Variants in HHIPL1 observed in about 807,000 individuals in gnomAD.
HHIPL1 encodes HHIP-like protein 1.
HHIPL1 carries 43 observed loss-of-function variants against 61.8 expected under a neutral mutation model. The ratio of observed to expected loss-of-function variants is 0.70; its 90% CI spans 0.55 to 0.90. HHIPL1 has a LOEUF of 0.90. HHIPL1 is among the 40% of genes least tolerant of loss of function. The pLI, the probability that HHIPL1 is intolerant of heterozygous loss-of-function variation, is 0.00. For missense variants in HHIPL1, 1,056 were observed against 1,157.7 expected (o/e 0.91, Z 1.28); for synonymous variants, 482 against 515.8 (o/e 0.93, Z 0.89).
At chr14:99,670,922 C>A (rs1209796203) in intron 7 of HHIPL1, among the ~76,000 whole-genome samples, 1 of 152,166 alleles carries the variant, frequency 6.6e-6, no homozygotes, top group Non-Finnish European at 1.5e-5. Context: ...GTGCCTAATT[C>A]ATGCCAGATG....
chr14:99,634,446 C>A, the HHIPL1 span, among the ~76,000 whole-genome samples: 1 of 152,190 alleles, frequency 6.6e-6, no homozygotes, highest in Non-Finnish European at 1.5e-5. Flanking sequence ...CGGGCTTTGG[C>A]TGCGGGACTT....
chr14:99,629,130 C>T, the HHIPL1 span, among the ~76,000 whole-genome samples: 6 of 152,296 alleles, frequency 3.9e-5, no homozygotes, highest in Admixed American at 1.3e-4. Flanking sequence ...GTGCCAGGCA[C>T]TGCGCTGGGT....
the HHIPL1 span, among the ~76,000 whole-genome samples, chr14:99,629,749 C>A: frequency 1.6e-4 from 24 of 152,102 alleles, no homozygotes; most frequent in African/African-American, 5.8e-4. Context: ...GTGATCTGCC[C>A]GCCTCAGCCT....
At chr14:99,643,596 C>T (rs1229862285), upstream of HHIPL1, among the ~76,000 whole-genome samples, 2 of 152,224 alleles carry the variant, frequency 1.3e-5, no homozygotes, top group African/African-American at 4.8e-5. Flanking sequence ...GACTATCACC[C>T]AGTTCTGAGT....
chr14:99,607,363 A>C, the HHIPL1 span, among the ~76,000 whole-genome samples: 3 of 152,074 alleles, frequency 2.0e-5, no homozygotes, highest in African/African-American at 7.2e-5. Flanking sequence ...AGTGAAACCA[A>C]ATCATGGTGC....
intron 6 of HHIPL1, among the ~76,000 whole-genome samples, chr14:99,666,455 C>T (rs2056247739): frequency 6.6e-6 from 1 of 152,162 alleles, no homozygotes; most frequent in South Asian, 2.1e-4. Flanking sequence ...TTGCAGTCTG[C>T]CTGGTCCAGC....
rs1298948782 is a variant in HHIPL1 at position 99,660,129 on chromosome 14, G to T, written c.1376-151G>T. 4.5e-6 allele frequency: 3 copies of T among 671,280 alleles called. No homozygotes were observed. The African/African-American group carries it at 6.8e-5, about 15-fold the overall frequency. The allele number at this position is 671,280 out of a possible 1,614,324, so 41.6% of individuals were successfully genotyped here. On this transcript the variant is annotated intron_variant, in intron 4 of 8. Transcript: ENST00000330710. This position sits in a 1 kb window ranked among gnomAD's most constrained non-coding sequence, Gnocchi z 4.9. ...CCCCTGCAGACACGCTTTCCACCACGCCAGCCCTGCTGTGGGCACGCCAGC... is the reference window on the plus strand; with the variant it reads ...CCCCTGCAGACACGCTTTCCACCACTCCAGCCCTGCTGTGGGCACGCCAGC...
upstream of HHIPL1, among the ~76,000 whole-genome samples, chr14:99,643,347 G>A (rs1286015949): frequency 6.6e-6 from 1 of 152,228 alleles, no homozygotes; most frequent in African/African-American, 2.4e-5. Flanking sequence ...GCTCCTGACT[G>A]TGACTTTTCT....
At chr14:99,652,913 C>T (rs771706874) in intron 2 of HHIPL1, 43 bp downstream of exon 2, 15 of 1,571,952 alleles carry the variant, frequency 9.5e-6, no homozygotes, top group Non-Finnish European at 1.2e-5. Flanking sequence ...GGGCAGGCAC[C>T]CATATGCACT....
chr14:99,607,427 A>G, the HHIPL1 span, among the ~76,000 whole-genome samples: 1 of 152,170 alleles, frequency 6.6e-6, no homozygotes, highest in African/African-American at 2.4e-5. Context: ...TCTTTTCAAA[A>G]TAAAGGTGCC....
At position 99,645,200 on chromosome 14, in the gene HHIPL1, G is replaced by A; in HGVS notation, c.-8G>A. ...GTCCCTCCGCCTCTTCCCCCGCGGG[G>A]CGTAGCGATGGCCCGGGCCAGGGCC... On this transcript the variant is annotated 5_prime_UTR_variant, in exon 1 of 9. Coordinates refer to ENST00000330710, the MANE Select transcript of HHIPL1 (RefSeq NM_001127258.3). 15 of 1,281,134 alleles carry A rather than the reference G, an allele frequency of 1.2e-5. No individual in the cohort carries two copies. The highest frequency in any genetic ancestry group is 1.5e-5 in the Non-Finnish European group (15 of 1,014,850). The allele number at this position is 1,281,134 out of a possible 1,614,324, so 79.4% of individuals were successfully genotyped here.
chr14:99,669,058 C>A (rs1387458728), intron 7 of HHIPL1: 51 of 1,453,670 alleles, frequency 3.5e-5, no homozygotes, highest in African/African-American at 4.3e-5. Flanking sequence ...CCTTCCCCAA[C>A]CCACGTTGCC....
At chr14:99,618,766 G>C in the HHIPL1 span, among the ~76,000 whole-genome samples, 3 of 152,258 alleles carry the variant, frequency 2.0e-5, no homozygotes, top group South Asian at 6.2e-4. Flanking sequence ...GCACAGAGCA[G>C]GGGCTCAGAC....
chr14:99,632,047 A>T, the HHIPL1 span, among the ~76,000 whole-genome samples: 1 of 152,250 alleles, frequency 6.6e-6, no homozygotes, highest in East Asian at 1.9e-4. Context: ...TGGGGGTGAG[A>T]CCAGCAACAC....
rs2140100794 is a variant in HHIPL1 at position 99,677,259 on chromosome 14, G to C, written c.*1633G>C. On this transcript the variant is annotated 3_prime_UTR_variant, in exon 9 of 9. Transcript: ENST00000330710. The surrounding 1 kb of genome is among the most constrained non-coding windows in gnomAD (Gnocchi z 4.3). ...GGAGAAGTCAAGTTTGAATACAGCA[G>C]CTTAGTTTAGAGTCCCCGCACCCTA... The C allele has an allele frequency of 6.6e-6, 1 of 152,426 alleles. No homozygotes were observed. The highest frequency in any genetic ancestry group is 2.4e-5 in the African/African-American group (1 of 41,564). The allele number at this position is 152,426 out of a possible 1,614,324, so 9.4% of individuals were successfully genotyped here. A position where few individuals can be genotyped will look rare whatever the true frequency, so the allele number is the denominator to read the frequency against.
intron 6 of HHIPL1, among the ~76,000 whole-genome samples, chr14:99,665,891 C>T (rs2140086446): frequency 6.6e-6 from 1 of 152,208 alleles, no homozygotes; most frequent in Middle Eastern, 3.4e-3. Flanking sequence ...AAGTGATTCT[C>T]ATACCTCAGC....
At chr14:99,666,061 C>T (rs536239176) in intron 6 of HHIPL1, among the ~76,000 whole-genome samples, 2 of 152,286 alleles carry the variant, frequency 1.3e-5, no homozygotes, top group African/African-American at 2.4e-5. Context: ...GGATTACAGG[C>T]GTCAGCCACC....
intron 3 of HHIPL1, among the ~76,000 whole-genome samples, chr14:99,657,927 A>G (rs2056079377): frequency 6.8e-6 from 1 of 146,604 alleles, no homozygotes; most frequent in Non-Finnish European, 1.5e-5. Flanking sequence ...ATACACACAT[A>G]CATACACATA....
intron 2 of HHIPL1, among the ~76,000 whole-genome samples, chr14:99,654,025 C>G (rs2055984290): frequency 6.6e-6 from 1 of 151,992 alleles, no homozygotes; most frequent in South Asian, 2.1e-4. Context: ...CCTGTCTCTA[C>G]TAAAAACACA....
Sources: allele counts gnomAD v4.1 joint callset (sites outside exome capture counted in the v4.1 genomes callset), GRCh38; gene constraint gnomAD v4.1.1; non-coding constraint Gnocchi (gnomAD v3.1); transcripts MANE v1.5; gene names NCBI Gene and HGNC (gene_info 2026-07-23, HGNC 2026-07-21).